Variants in NUCB2 observed in about 807,000 individuals in gnomAD.
The protein encoded by NUCB2 is nucleobindin 2.
A neutral mutation model predicts 57.9 loss-of-function variants in NUCB2; 48 were observed. The observed-to-expected ratio is 0.83, with a 90% confidence interval of 0.66 to 1.05. The LOEUF (loss-of-function observed/expected upper bound fraction) is 1.05, where lower values mean the gene tolerates loss of function less well. Among genes scored for constraint, NUCB2 ranks in the 50% least tolerant of loss-of-function variants. NUCB2 has a pLI of 0.00. For synonymous variants in NUCB2, 139 were observed against 152.1 expected, an observed-to-expected ratio of 0.91 and a Z score of 0.64; for missense variants, 442 against 476.2, an observed-to-expected ratio of 0.93 and a Z score of 0.67.
chr11:17,287,192 C>T (rs953030156), intron 2 of NUCB2, among the ~76,000 whole-genome samples: 11 of 151,944 alleles, frequency 7.2e-5, no homozygotes, highest in Admixed American at 4.6e-4. Flanking sequence ...TATATCACCA[C>T]GCATGGTGGC....
chr11:17,332,871 G>C (rs573470134), downstream of NUCB2: 8 of 151,838 alleles, frequency 5.3e-5, no homozygotes, highest in Admixed American at 2.6e-4. Flanking sequence ...TGCCACGAAC[G>C]CCTGGCTAAA....
At chr11:17,293,251 CT>C (rs1945237883) in intron 2 of NUCB2, among the ~76,000 whole-genome samples, 1 of 96,060 alleles carries the variant, frequency 1.0e-5, no homozygotes, top group Admixed American at 1.2e-4. Flanking sequence ...AAGACTCTGT[CT>C]CAAAAAAAAA....
chr11:17,310,627 C>T (rs145605488), intron 6 of NUCB2, among the ~76,000 whole-genome samples, 198 bp from the exon 7 acceptor site: 72 of 149,898 alleles, frequency 4.8e-4, no homozygotes, highest in African/African-American at 1.6e-3. Context: ...GCCTGGGTGA[C>T]GGGTGAAACT....
At chr11:17,318,870 C>T (rs900921009) in intron 11 of NUCB2, among the ~76,000 whole-genome samples, 6 of 152,164 alleles carry the variant, frequency 3.9e-5, no homozygotes, top group Non-Finnish European at 7.3e-5. Context: ...CCATTAAAAA[C>T]GTGTGCACTC....
At chr11:17,319,518 A>G (rs1409607137) in intron 11 of NUCB2, among the ~76,000 whole-genome samples, 1 of 152,222 alleles carries the variant, frequency 6.6e-6, no homozygotes, top group Non-Finnish European at 1.5e-5. Flanking sequence ...AGGTCTTGTC[A>G]GATGACAGAG....
At chr11:17,277,975 T>A (rs1465989428) in intron 1 of NUCB2, among the ~76,000 whole-genome samples, 1 of 152,134 alleles carries the variant, frequency 6.6e-6, no homozygotes, top group East Asian at 1.9e-4. Context: ...ATAATGTCAC[T>A]CTCCTAATTA....
At chr11:17,283,750 A>G (rs1310478013) in intron 2 of NUCB2, among the ~76,000 whole-genome samples, 1 of 152,244 alleles carries the variant, frequency 6.6e-6, no homozygotes, top group Non-Finnish European at 1.5e-5. Flanking sequence ...GCTATAATCA[A>G]GGCACTAAAA....
intron 2 of NUCB2, among the ~76,000 whole-genome samples, chr11:17,290,675 A>T (rs1190624985): frequency 2.0e-5 from 3 of 152,182 alleles, no homozygotes; most frequent in Non-Finnish European, 2.9e-5. Context: ...AAAAATTAAC[A>T]GAATTATAAG....
chr11:17,347,911 C>T (rs1005275118), intron 2 of NUCB2, among the ~76,000 whole-genome samples: 12 of 152,076 alleles, frequency 7.9e-5, no homozygotes, highest in African/African-American at 2.7e-4. Flanking sequence ...GGTGAGAAGG[C>T]CAACCAACAT....
intron 1 of NUCB2, among the ~76,000 whole-genome samples, chr11:17,279,369 G>A (rs570935278): frequency 6.6e-6 from 1 of 152,184 alleles, no homozygotes; most frequent in South Asian, 2.1e-4. Flanking sequence ...AAACGAACTT[G>A]GCCAAGTCAG....
intron 2 of NUCB2, among the ~76,000 whole-genome samples, chr11:17,341,554 T>G (rs938472957): frequency 1.9e-3 from 286 of 152,348 alleles, no homozygotes; most frequent in Non-Finnish European, 2.9e-3. Context: ...AAAGGCCTTT[T>G]CTGCATCTAT....
intron 2 of NUCB2, among the ~76,000 whole-genome samples, chr11:17,285,239 A>G (rs924301766): frequency 1.3e-5 from 2 of 152,066 alleles, no homozygotes; most frequent in Non-Finnish European, 1.5e-5. Context: ...CATCCTGGCT[A>G]ACATGGTGAA....
intron 2 of NUCB2, among the ~76,000 whole-genome samples, chr11:17,293,685 A>T (rs961733992): frequency 2.0e-5 from 3 of 152,262 alleles, no homozygotes; most frequent in Admixed American, 2.0e-4. Context: ...TGGCATATGT[A>T]TACAATGGAC....
Position 17,330,193 on chromosome 11 carries a change from CA to C in NUCB2, c.1071del (p.Glu358LysfsTer57). 1 of 1,598,062 alleles carries C rather than the reference CA, an allele frequency of 6.3e-7. No individual in the cohort carries two copies. Among genetic ancestry groups the C allele is most frequent in the Non-Finnish European group, 8.6e-7 (1 of 1,167,414 alleles). On this transcript the variant is annotated frameshift_variant, in exon 12 of 14. Transcript: ENST00000529010. LOFTEE classifies it high-confidence loss of function. The surrounding 1 kb of genome is among the most constrained non-coding windows in gnomAD (Gnocchi z 4.3). ...LKEYENIIAL[Q>X]ENELKKKADE... ...AGAATATGAAAATATTATTGCTTTA[CA>C]AGAAAATGAACTTAAGAAGAAGGCA...
intron 2 of NUCB2, among the ~76,000 whole-genome samples, chr11:17,287,857 G>A (rs1204460527): frequency 5.9e-5 from 9 of 151,884 alleles, no homozygotes; most frequent in South Asian, 4.2e-4. Flanking sequence ...AAAATTAGCC[G>A]GGTGTGGTGG....
Position 17,286,393 on chromosome 11 carries a change from A to G in NUCB2, c.-1+3450A>G, listed in dbSNP as rs1001622405. 3.3e-5 allele frequency among the ~76,000 whole-genome samples: 5 copies of G among 152,184 alleles called. No homozygotes were observed. The East Asian group carries it at 9.6e-4, about 29-fold the overall frequency. On this transcript the variant is annotated intron_variant, in intron 2 of 13. Transcript: ENST00000529010. ...GAAGAGAGATTAGCTTTCTTTTAGG[A>G]CTTTAAAATTTAAGGAAATTATATC...
chr11:17,330,676 C>T lies in NUCB2; in HGVS notation c.1174-226C>T, dbSNP rs567450993. 6.6e-6 allele frequency among the ~76,000 whole-genome samples: 1 copy of T among 152,034 alleles called. No individual in the cohort carries two copies. ...TAGAGACCAGGTCTCATTGTGTTGC[C>T]GAGGCTGGTCTCGAACTCCTGGCCT... On this transcript the variant is annotated intron_variant, in intron 12 of 13. Coordinates refer to ENST00000529010, the MANE Select transcript of NUCB2 (RefSeq NM_005013.4). This position sits in a 1 kb window ranked among gnomAD's most constrained non-coding sequence, Gnocchi z 4.3.
chr11:17,329,073 A>T (rs1951053101), intron 11 of NUCB2, among the ~76,000 whole-genome samples: 1 of 152,054 alleles, frequency 6.6e-6, no homozygotes. Flanking sequence ...GGGTATGTCT[A>T]GAAATGTCAC....
At chr11:17,285,443 G>A (rs2138031155) in intron 2 of NUCB2, among the ~76,000 whole-genome samples, 1 of 152,210 alleles carries the variant, frequency 6.6e-6, no homozygotes, top group South Asian at 2.1e-4. Context: ...CAGGCATGGT[G>A]GCATGCGCCT....
Sources: gnomAD v4.1 joint callset for allele counts (sites outside exome capture counted in the v4.1 genomes callset) on GRCh38, gnomAD v4.1.1 for gene constraint, Gnocchi (gnomAD v3.1) non-coding constraint, MANE v1.5 for transcripts, NCBI Gene and HGNC (gene_info 2026-07-23, HGNC 2026-07-21) for gene names.